Variants in NFE2L2 observed in about 807,000 individuals in gnomAD.
NFE2L2 encodes the protein NFE2 like bZIP transcription factor 2, also known as nuclear factor erythroid 2-related factor 2.
Under a neutral mutation model 49.6 loss-of-function variants are expected in NFE2L2, and 20 were observed. That is an observed-to-expected ratio of 0.40 (90% CI 0.28 to 0.59). NFE2L2 has a LOEUF of 0.59. Ranked by LOEUF, NFE2L2 falls within the 20% of genes least tolerant of loss-of-function variation. NFE2L2 has a pLI of 0.40. For missense variants in NFE2L2, 578 were observed against 714.2 expected (o/e 0.81, Z 2.17); for synonymous variants, 244 against 256.5 (o/e 0.95, Z 0.47).
At chr2:177,239,800 C>T (rs1259324529) in intron 1 of NFE2L2, among the ~76,000 whole-genome samples, 3 of 152,120 alleles carry the variant, frequency 2.0e-5, no homozygotes, top group South Asian at 4.1e-4. Context: ...CAAAAACAGA[C>T]ATCTTGATCA....
intron 1 of NFE2L2, among the ~76,000 whole-genome samples, chr2:177,243,214 T>G (rs138781057): frequency 0.012 from 1,813 of 152,184 alleles, 20 homozygotes; most frequent in Non-Finnish European, 0.018. Flanking sequence ...TTCAGGAACA[T>G]TGGATCCAAC....
intron 1 of NFE2L2, among the ~76,000 whole-genome samples, chr2:177,262,222 G>C (rs1048183371): frequency 3.3e-5 from 5 of 152,156 alleles, no homozygotes; most frequent in African/African-American, 1.2e-4. Context: ...GAGATGAGAG[G>C]CCTGTCCTAT....
At chr2:177,254,935 T>G (rs1194672582) in intron 1 of NFE2L2, among the ~76,000 whole-genome samples, 3 of 152,222 alleles carry the variant, frequency 2.0e-5, no homozygotes, top group Non-Finnish European at 4.4e-5. Context: ...AGATGTCTCC[T>G]AACTCCAAAG....
rs1689509926 is a variant in NFE2L2, at chr2:177,230,711, T to G, written c.*74A>C. 1.7e-5 allele frequency: 25 copies of G among 1,464,980 alleles called. No homozygotes were observed. The highest frequency in any genetic ancestry group is 2.3e-5 in the Non-Finnish European group (25 of 1,101,984). The allele number at this position is 1,464,980 out of a possible 1,614,324, so 90.7% of individuals were successfully genotyped here. A position where few individuals can be genotyped will look rare whatever the true frequency, so the allele number is the denominator to read the frequency against. ...AGAATTACTTATAAAGTATGAGCAT[T>G]TCACATCACAGTAGGAGCTTTTAGT... is the stretch of plus-strand genomic sequence containing the variant. On this transcript the variant is annotated 3_prime_UTR_variant, in exon 5 of 5. Coordinates refer to ENST00000397062, the MANE Select transcript of NFE2L2 (RefSeq NM_006164.5).
chr2:177,262,663 CTT>C (rs1240246353), intron 1 of NFE2L2, among the ~76,000 whole-genome samples: 1 of 152,178 alleles, frequency 6.6e-6, no homozygotes, highest in African/African-American at 2.4e-5. Context: ...AAAATACACA[CTT>C]AATGCGGTAC....
chr2:177,263,562 C>T (rs1574288734), intron 1 of NFE2L2: 2 of 985,494 alleles, frequency 2.0e-6, no homozygotes, highest in Non-Finnish European at 2.4e-6. Flanking sequence ...GAGGTTTGCA[C>T]GCTATAAAGC....
At chr2:177,260,976 G>T (rs1212647014) in intron 1 of NFE2L2, among the ~76,000 whole-genome samples, 3 of 151,864 alleles carry the variant, frequency 2.0e-5, no homozygotes, top group Admixed American at 2.0e-4. Flanking sequence ...TTCGAGACCA[G>T]CCCAGCCTGG....
chr2:177,252,034 AGAAATGGAATGAT>A (rs1435485666), intron 1 of NFE2L2, among the ~76,000 whole-genome samples: 1 of 151,502 alleles, frequency 6.6e-6, no homozygotes, highest in Non-Finnish European at 1.5e-5. Flanking sequence ...TTTTTCAAGA[AGAAATGGAATGAT>A]GAAAATGATC....
At chr2:177,234,587 C>T (rs1172357796) in intron 1 of NFE2L2, among the ~76,000 whole-genome samples, 1 of 152,184 alleles carries the variant, frequency 6.6e-6, no homozygotes, top group East Asian at 1.9e-4. Context: ...AGAAATCCCA[C>T]CCTTGTTTAA....
At chr2:177,236,170 C>T (rs752286221) in intron 1 of NFE2L2, among the ~76,000 whole-genome samples, 5 of 152,196 alleles carry the variant, frequency 3.3e-5, no homozygotes, top group Admixed American at 6.5e-5. Context: ...TTCCCAAGGA[C>T]GCAAATAACA....
chr2:177,245,240 C>G (rs568109385), intron 1 of NFE2L2, among the ~76,000 whole-genome samples: 1 of 151,942 alleles, frequency 6.6e-6, no homozygotes. Context: ...CACACTGTCA[C>G]GGAACGCTAC....
chr2:177,251,734 G>T (rs1473533158), intron 1 of NFE2L2, among the ~76,000 whole-genome samples: 1 of 152,154 alleles, frequency 6.6e-6, no homozygotes. Context: ...TGCCAGGCGT[G>T]GTGGCTCATG....
At chr2:177,243,608 AT>A (rs374255739) in intron 1 of NFE2L2, among the ~76,000 whole-genome samples, 193 of 152,216 alleles carry the variant, frequency 1.3e-3, no homozygotes, top group African/African-American at 4.3e-3. Flanking sequence ...GCAGCTTCTA[AT>A]TCCCAGGCTC....
At chr2:177,234,413 A>C in intron 1 of NFE2L2, 142 bp from the exon 2 acceptor site, 1 of 977,710 alleles carries the variant, frequency 1.0e-6, no homozygotes, top group Non-Finnish European at 1.5e-6. Flanking sequence ...ACACAGATCC[A>C]ATGTTCTAGA....
intron 1 of NFE2L2, among the ~76,000 whole-genome samples, chr2:177,239,191 C>T (rs1010139278): frequency 6.6e-6 from 1 of 152,142 alleles, no homozygotes. Flanking sequence ...ATCCTGTTCA[C>T]GTTACCTGAA....
intron 1 of NFE2L2, 77 bp downstream of exon 1, chr2:177,264,455 C>G: frequency 6.9e-7 from 1 of 1,440,712 alleles, no homozygotes. Context: ...TGCGGCTGTC[C>G]CTCCCGGGCC....
At chr2:177,263,952 C>T in intron 1 of NFE2L2, 3 of 985,248 alleles carry the variant, frequency 3.0e-6, no homozygotes, top group Non-Finnish European at 3.6e-6. Flanking sequence ...AAAGCCGCGC[C>T]CACAGACGGC....
chr2:177,234,258 A>G lies in NFE2L2; in HGVS notation c.59T>C (p.Ile20Thr), dbSNP rs767333507. The G allele has an allele frequency of 1.5e-5, 24 of 1,610,382 alleles. No homozygotes were observed. The highest frequency in any genetic ancestry group is 4.0e-5 in the African/African-American group (3 of 74,622). The change falls in exon 2 of 5, where the codon ATT becomes ACT. Residue 20 changes from isoleucine to threonine, a missense_variant. Physicochemically the swap from Ile to Thr is moderately conservative, Grantham distance 89 (BLOSUM62 -1). Around this residue, in one of 3 missense-constraint regions of NFE2L2, gnomAD observed 93 missense variants for 153.9 expected, o/e 0.60. Coordinates refer to ENST00000397062, the MANE Select transcript of NFE2L2 (RefSeq NM_006164.5). ...GLPSQQDMDL[I>T]DILWRQDIDL... ...TATATCTTGCCTCCAAAGTATGTCA[A>G]TCAAATCCATGTCCTATGTTTAAGA...
chr2:177,262,422 A>G (rs1414441976), intron 1 of NFE2L2, among the ~76,000 whole-genome samples: 1 of 152,224 alleles, frequency 6.6e-6, no homozygotes, highest in Admixed American at 6.5e-5. Context: ...TCCTCTGCAC[A>G]GAAGGTGAAA....
Sources: allele counts gnomAD v4.1 joint callset (sites outside exome capture counted in the v4.1 genomes callset), GRCh38; gene constraint gnomAD v4.1.1; regional missense constraint gnomAD v4.1.1; transcripts MANE v1.5; gene names NCBI Gene and HGNC (gene_info 2026-07-23, HGNC 2026-07-21).